Variants in CLSTN2 observed in about 807,000 individuals in gnomAD.
CLSTN2 encodes calsyntenin-2.
In CLSTN2, 48 loss-of-function variants were observed where a neutral mutation model predicts 101.2. That is an observed-to-expected ratio of 0.47 (90% CI 0.38 to 0.60). The LOEUF is 0.60. Among genes scored for constraint, CLSTN2 ranks in the 20% least tolerant of loss-of-function variants. CLSTN2 has a pLI of 0.00. For synonymous variants in CLSTN2, 481 were observed against 463.6 expected (o/e 1.04, Z -0.48); for missense variants, 1,160 against 1,238.2 (o/e 0.94, Z 0.95).
At chr3:139,939,272 T>C (rs998379013) in intron 1 of CLSTN2, among the ~76,000 whole-genome samples, 1 of 152,176 alleles carries the variant, frequency 6.6e-6, no homozygotes, top group Non-Finnish European at 1.5e-5. Flanking sequence ...ACATGGGCAA[T>C]CTCTAACTCT....
intron 5 of CLSTN2, among the ~76,000 whole-genome samples, chr3:140,423,895 C>G (rs1035932649): frequency 6.6e-6 from 1 of 152,318 alleles, no homozygotes; most frequent in Non-Finnish European, 1.5e-5. Flanking sequence ...TGGGACCTGA[C>G]CCTGGCCAAT....
At chr3:139,957,729 G>A (rs1288973060) in intron 1 of CLSTN2, among the ~76,000 whole-genome samples, 1 of 152,184 alleles carries the variant, frequency 6.6e-6, no homozygotes, top group Non-Finnish European at 1.5e-5. Context: ...GGGAAATGAT[G>A]TCAGCTGATG....
intron 1 of CLSTN2, among the ~76,000 whole-genome samples, chr3:139,972,669 T>C (rs141064163): frequency 2.6e-4 from 40 of 152,256 alleles, no homozygotes; most frequent in African/African-American, 9.6e-4. Flanking sequence ...CTCAGTAAAT[T>C]GTAGTCAAGG....
intron 1 of CLSTN2, among the ~76,000 whole-genome samples, chr3:139,994,338 T>C (rs1261428907): frequency 1.3e-5 from 2 of 152,234 alleles, no homozygotes; most frequent in African/African-American, 4.8e-5. Context: ...AAGCTTTTTG[T>C]CATAATTCCA....
chr3:140,557,946 TACTATAGG>T lies in CLSTN2; in HGVS notation c.1824-691_1824-684del, dbSNP rs1245392626. Among the ~76,000 whole-genome samples, 10 of 152,328 alleles carry T rather than the reference TACTATAGG, an allele frequency of 6.6e-5. No homozygotes were observed. In the East Asian group the frequency reaches 1.9e-3, roughly 29 times the overall value. The stretch of plus-strand genomic sequence containing the variant: ...CTATATATGTCTGCATTTAATCCTT[TACTATAGG>T]ACAAAATTATTGTTATCTCCACTGT... On this transcript the variant is annotated intron_variant, in intron 11 of 16. Coordinates refer to ENST00000458420, the MANE Select transcript of CLSTN2 (RefSeq NM_022131.3).
Position 140,068,509 on chromosome 3 carries a change from A to C in CLSTN2, c.110-107442A>C, listed in dbSNP as rs144741402. Reference sequence around the variant, plus strand: ...GAATCCCTGGGTACTTGGATTTGAGATGCATTCAATAGCAATGTGTTTTCT... The same window carrying C: ...GAATCCCTGGGTACTTGGATTTGAGCTGCATTCAATAGCAATGTGTTTTCT... On this transcript the variant is annotated intron_variant, in intron 1 of 16. Coordinates refer to ENST00000458420, the MANE Select transcript of CLSTN2 (RefSeq NM_022131.3). 2.6e-5 allele frequency among the ~76,000 whole-genome samples: 4 copies of C among 152,304 alleles called. No individual in the cohort carries two copies. The East Asian group carries it at 7.7e-4, about 29-fold the overall frequency.
chr3:140,347,796 A>G (rs2087564316), intron 2 of CLSTN2, among the ~76,000 whole-genome samples: 1 of 152,224 alleles, frequency 6.6e-6, no homozygotes, highest in African/African-American at 2.4e-5. Context: ...ATGCATAGAG[A>G]TGGAATTGTT....
intron 2 of CLSTN2, among the ~76,000 whole-genome samples, chr3:140,377,595 A>G (rs2087930919): frequency 6.6e-6 from 1 of 152,186 alleles, no homozygotes; most frequent in South Asian, 2.1e-4. Flanking sequence ...ATAAAAATAA[A>G]TTGCAAAAGT....
At chr3:140,201,771 C>T (rs901843987) in intron 2 of CLSTN2, among the ~76,000 whole-genome samples, 31 of 151,784 alleles carry the variant, frequency 2.0e-4, no homozygotes, top group African/African-American at 6.5e-4. Context: ...CAATAAATAA[C>T]AGACATAGCA....
rs747084392 is a variant in CLSTN2 at position 140,473,752 on chromosome 3, T to TTG, written c.1344+7022_1344+7023insGT. Among the ~76,000 whole-genome samples, 1,327 of 151,216 alleles carry TTG rather than the reference T, an allele frequency of 8.8e-3. 15 individuals carry two copies. The highest frequency in any genetic ancestry group is 0.014 in the Admixed American group (217 of 15,180). ...CTATGGGGGTTTTTTGTGTTTTTTT[T>TTG]TTGTTGTTGTTGTTTGTTTTTTTGA... is the stretch of plus-strand genomic sequence containing the variant. On this transcript the variant is annotated intron_variant, in intron 8 of 16. Transcript: ENST00000458420.
At chr3:140,345,924 T>A (rs2087542187) in intron 2 of CLSTN2, among the ~76,000 whole-genome samples, 1 of 152,210 alleles carries the variant, frequency 6.6e-6, no homozygotes, top group Non-Finnish European at 1.5e-5. Context: ...CTCAATTATC[T>A]GTATTTGCTG....
intron 1 of CLSTN2, among the ~76,000 whole-genome samples, chr3:140,118,412 T>C (rs868389321): frequency 2.0e-5 from 3 of 152,226 alleles, no homozygotes; most frequent in Middle Eastern, 6.8e-3. Context: ...AATCAGTGCT[T>C]CACGATTTGG....
At chr3:140,349,617 G>A (rs1198181958) in intron 2 of CLSTN2, among the ~76,000 whole-genome samples, 3 of 152,134 alleles carry the variant, frequency 2.0e-5, no homozygotes, top group Non-Finnish European at 4.4e-5. Context: ...GGTGGGAATC[G>A]CCAGATCTAA....
At chr3:140,284,261 A>G (rs567843717) in intron 2 of CLSTN2, among the ~76,000 whole-genome samples, 2 of 152,280 alleles carry the variant, frequency 1.3e-5, no homozygotes, top group East Asian at 1.9e-4. Flanking sequence ...AAAAAATACA[A>G]GAACAAATTG....
chr3:140,126,054 C>A (rs913264787), intron 1 of CLSTN2, among the ~76,000 whole-genome samples: 3 of 151,972 alleles, frequency 2.0e-5, no homozygotes, highest in Non-Finnish European at 2.9e-5. Flanking sequence ...TGGATGATTG[C>A]AAGAGAAATG....
intron 2 of CLSTN2, among the ~76,000 whole-genome samples, chr3:140,253,543 G>A (rs145101496): frequency 6.6e-6 from 1 of 152,292 alleles, no homozygotes; most frequent in African/African-American, 2.4e-5. Flanking sequence ...GGGAAAGTAT[G>A]AGCACAGGCC....
chr3:140,332,324 A>G (rs2087391342), intron 2 of CLSTN2, among the ~76,000 whole-genome samples: 1 of 152,206 alleles, frequency 6.6e-6, no homozygotes, highest in Non-Finnish European at 1.5e-5. Flanking sequence ...GCAGGAAAAA[A>G]GAGATGAAGC....
chr3:140,535,995 T>A (rs1935351909), intron 9 of CLSTN2, among the ~76,000 whole-genome samples: 2 of 136,680 alleles, frequency 1.5e-5, no homozygotes, highest in African/African-American at 5.0e-5. Flanking sequence ...CACACAAGAA[T>A]GCTGCGTTCC....
chr3:140,320,812 A>G (rs188962358), intron 2 of CLSTN2, among the ~76,000 whole-genome samples: 1 of 152,186 alleles, frequency 6.6e-6, no homozygotes, highest in African/African-American at 2.4e-5. Context: ...AGCCTCAAGC[A>G]GTTTCAGAAA....
Sources: gnomAD v4.1 joint callset for allele counts (sites outside exome capture counted in the v4.1 genomes callset) on GRCh38, gnomAD v4.1.1 for gene constraint, MANE v1.5 for transcripts, NCBI Gene and HGNC (gene_info 2026-07-23, HGNC 2026-07-21) for gene names.